CTNNA3: variants seen among roughly 807,000 people sequenced by gnomAD.
The protein encoded by CTNNA3 is catenin alpha 3, also known as catenin alpha-3.
CTNNA3 carries 76 observed loss-of-function variants against 95.7 expected under a neutral mutation model. The observed-to-expected ratio is 0.79, with a 90% confidence interval of 0.66 to 0.96. The LOEUF (loss-of-function observed/expected upper bound fraction) is 0.96, where lower values mean the gene tolerates loss of function less well. Among genes scored for constraint, CTNNA3 ranks in the 40% least tolerant of loss-of-function variants. The probability of loss-of-function intolerance (pLI) is 0.00; values close to 1 mark genes in which losing one functional copy is unlikely to be tolerated. For missense variants in CTNNA3, 1,191 were observed against 1,089.8 expected (o/e 1.09, Z -1.31); for synonymous variants, 431 against 374.4 (o/e 1.15, Z -1.74).
At chr10:66,805,911 T>C (rs1171089962) in intron 7 of CTNNA3, among the ~76,000 whole-genome samples, 1 of 152,094 alleles carries the variant, frequency 6.6e-6, no homozygotes, top group African/African-American at 2.4e-5. Context: ...CAAGTTCCTG[T>C]GATACAAAAT....
At chr10:66,861,607 A>T (rs1843930941) in intron 7 of CTNNA3, among the ~76,000 whole-genome samples, 1 of 152,206 alleles carries the variant, frequency 6.6e-6, no homozygotes, top group Admixed American at 6.5e-5. Context: ...TATTGTAAAA[A>T]TTCATAAATT....
intron 7 of CTNNA3, among the ~76,000 whole-genome samples, chr10:66,857,711 T>C (rs1396843078): frequency 6.6e-6 from 1 of 152,024 alleles, no homozygotes; most frequent in Non-Finnish European, 1.5e-5. Flanking sequence ...TCAGCTTGGC[T>C]CTTGTTGGCG....
chr10:66,631,103 A>G (rs1845118739), intron 9 of CTNNA3, among the ~76,000 whole-genome samples: 1 of 152,182 alleles, frequency 6.6e-6, no homozygotes, highest in Non-Finnish European at 1.5e-5. Context: ...GGAAATTCAT[A>G]TTCTCTTGAA....
intron 10 of CTNNA3, among the ~76,000 whole-genome samples, chr10:66,521,126 A>T (rs1006481944): frequency 6.6e-6 from 1 of 151,094 alleles, no homozygotes; most frequent in South Asian, 2.1e-4. Flanking sequence ...AAACAGTAAA[A>T]TGTCTCCATA....
At chr10:66,056,275 T>C (rs2080085542) in intron 15 of CTNNA3, among the ~76,000 whole-genome samples, 1 of 152,212 alleles carries the variant, frequency 6.6e-6, no homozygotes, top group East Asian at 1.9e-4. Context: ...TTTTTAAGAA[T>C]CTTTTGAAAT....
intron 1 of CTNNA3, among the ~76,000 whole-genome samples, chr10:67,722,767 T>C (rs1333085457): frequency 6.6e-6 from 1 of 152,212 alleles, no homozygotes; most frequent in Non-Finnish European, 1.5e-5. Context: ...ACCTTTTAAA[T>C]GACTGCATGG....
At chr10:67,006,899 T>A (rs1301151325) in intron 7 of CTNNA3, among the ~76,000 whole-genome samples, 3 of 152,102 alleles carry the variant, frequency 2.0e-5, no homozygotes, top group Admixed American at 6.6e-5. Flanking sequence ...GTTCAAGGCA[T>A]CCTCCTACCT....
chr10:66,344,171 G>A (rs945376420), intron 12 of CTNNA3, among the ~76,000 whole-genome samples: 4 of 149,384 alleles, frequency 2.7e-5, no homozygotes, highest in Admixed American at 2.0e-4. Flanking sequence ...AGGTTGTAGT[G>A]AGCCGAGATC....
intron 7 of CTNNA3, among the ~76,000 whole-genome samples, chr10:66,900,559 G>C (rs967936696): frequency 6.6e-6 from 1 of 152,076 alleles, no homozygotes; most frequent in Non-Finnish European, 1.5e-5. Context: ...CAGAAAGTCG[G>C]TAATAACAAA....
chr10:66,562,089 G>T (rs906585433), intron 10 of CTNNA3, among the ~76,000 whole-genome samples: 2 of 152,012 alleles, frequency 1.3e-5, no homozygotes, highest in Non-Finnish European at 2.9e-5. Flanking sequence ...AAGGCCTGGA[G>T]TTTTGTAAAA....
intron 14 of CTNNA3, among the ~76,000 whole-genome samples, chr10:66,077,884 A>G (rs2080603964): frequency 6.6e-6 from 1 of 151,772 alleles, no homozygotes; most frequent in Admixed American, 6.6e-5. Context: ...ATATAATTAT[A>G]TATTGAAGGG....
At chr10:67,181,454 G>C (rs2132141671) in intron 6 of CTNNA3, among the ~76,000 whole-genome samples, 1 of 152,246 alleles carries the variant, frequency 6.6e-6, no homozygotes, top group East Asian at 1.9e-4. Context: ...ATTGAAGAAA[G>C]AGATAGTGTA....
At chr10:67,637,390 C>A (rs1169633690) in intron 2 of CTNNA3, among the ~76,000 whole-genome samples, 6 of 152,136 alleles carry the variant, frequency 3.9e-5, no homozygotes, top group Non-Finnish European at 8.8e-5. Flanking sequence ...ATGTCTGATT[C>A]GTGTACCTGA....
chr10:65,914,512 G>A lies in CTNNA3; in HGVS notation c.*5818C>T, dbSNP rs963335348. On this transcript the variant is annotated 3_prime_UTR_variant, in exon 18 of 18. Coordinates refer to ENST00000433211, the MANE Select transcript of CTNNA3 (RefSeq NM_013266.4). ...GTATTCAGGCACATACTATGCACAC[G>A]TGTGACCTCCATAAAGAAGGAAAGA... 14 of 152,090 alleles carry A rather than the reference G, an allele frequency of 9.2e-5. No individual in the cohort carries two copies. Among genetic ancestry groups the A allele is most frequent in the African/African-American group, 3.1e-4 (13 of 41,408 alleles). The allele number at this position is 152,090 out of a possible 1,614,324, so 9.4% of individuals were successfully genotyped here.
intron 7 of CTNNA3, among the ~76,000 whole-genome samples, chr10:67,044,526 A>G (rs1173313488): frequency 6.6e-6 from 1 of 152,188 alleles, no homozygotes; most frequent in African/African-American, 2.4e-5. Context: ...AGTTTCCCAG[A>G]TTCCCCATTG....
chr10:66,222,592 GAA>G, intron 13 of CTNNA3, among the ~76,000 whole-genome samples: 1 of 133,636 alleles, frequency 7.5e-6, no homozygotes, highest in Admixed American at 7.9e-5. Context: ...GAAAGAAAAA[GAA>G]AGAACGAAAG....
At chr10:67,550,918 G>A (rs1409309296) in intron 3 of CTNNA3, among the ~76,000 whole-genome samples, 1 of 152,092 alleles carries the variant, frequency 6.6e-6, no homozygotes, top group African/African-American at 2.4e-5. Flanking sequence ...GCAAACTTTC[G>A]TGTCTCAGTC....
intron 5 of CTNNA3, among the ~76,000 whole-genome samples, chr10:67,361,746 T>C (rs1842997840): frequency 1.3e-5 from 2 of 151,802 alleles, no homozygotes; most frequent in Non-Finnish European, 1.5e-5. Context: ...AATTCAAAGC[T>C]AACAGAAAAT....
At chr10:66,504,103 T>C (rs1440302451) in intron 11 of CTNNA3, among the ~76,000 whole-genome samples, 2 of 152,156 alleles carry the variant, frequency 1.3e-5, no homozygotes, top group African/African-American at 2.4e-5. Flanking sequence ...ACTGACAATA[T>C]ATTGTTATTA....
Sources: allele counts gnomAD v4.1 joint callset (sites outside exome capture counted in the v4.1 genomes callset), GRCh38; gene constraint gnomAD v4.1.1; transcripts MANE v1.5; gene names NCBI Gene and HGNC (gene_info 2026-07-23, HGNC 2026-07-21).